Variants in NRG1 observed in about 807,000 individuals in gnomAD.
NRG1 encodes neuregulin 1, also known as pro-neuregulin-1, membrane-bound isoform.
A neutral mutation model predicts 63.8 loss-of-function variants in NRG1; 18 were observed. That is an observed-to-expected ratio of 0.28 (90% CI 0.19 to 0.42). The LOEUF is 0.42. Ranked by LOEUF, NRG1 falls within the 10% of genes least tolerant of loss-of-function variation. The probability of loss-of-function intolerance (pLI) is 1.00; values close to 1 mark genes in which losing one functional copy is unlikely to be tolerated. For synonymous variants in NRG1, 302 were observed against 301.3 expected (o/e 1.00, Z -0.02); for missense variants, 762 against 814.7 (o/e 0.94, Z 0.79).
intron 1 of NRG1, among the ~76,000 whole-genome samples, chr8:31,906,951 G>T (rs1354890815): frequency 6.6e-6 from 1 of 152,116 alleles, no homozygotes; most frequent in Non-Finnish European, 1.5e-5. Flanking sequence ...TACAGGAAAA[G>T]AATGCTGCTC....
intron 1 of NRG1, among the ~76,000 whole-genome samples, chr8:32,586,213 T>G (rs1469035282): frequency 1.4e-5 from 2 of 147,640 alleles, no homozygotes; most frequent in Non-Finnish European, 3.0e-5. Flanking sequence ...TACATTCTAC[T>G]ATATATACTA....
rs539500844 is a variant in NRG1 at position 32,277,715 on chromosome 8, T to C, written c.38-318113T>C. Among the ~76,000 whole-genome samples, 262 of 152,274 alleles carry C rather than the reference T, an allele frequency of 1.7e-3. 1 individual carries two copies. The highest frequency in any genetic ancestry group is 3.1e-3 in the Non-Finnish European group (208 of 68,016). Reference sequence around the variant, plus strand: ...CGGGAGTTGGGGGATGCTACTGGTATGCAGTTGGCAGAGGCCGGGGATGGT... The same window carrying C: ...CGGGAGTTGGGGGATGCTACTGGTACGCAGTTGGCAGAGGCCGGGGATGGT... On this transcript the variant is annotated intron_variant, in intron 1 of 10. Transcript: ENST00000519301.
intron 1 of NRG1, among the ~76,000 whole-genome samples, chr8:32,447,379 G>A (rs2129487850): frequency 6.6e-6 from 1 of 152,146 alleles, no homozygotes; most frequent in East Asian, 1.9e-4. Flanking sequence ...AATGGAAATG[G>A]TGGTATAGCA....
intron 5 of NRG1, among the ~76,000 whole-genome samples, chr8:32,624,670 T>C (rs558626232): frequency 6.6e-6 from 1 of 152,344 alleles, no homozygotes; most frequent in East Asian, 1.9e-4. Flanking sequence ...TGAGCCATTA[T>C]AATTACTCTT....
At chr8:31,969,486 A>G (rs573965900) in intron 1 of NRG1, among the ~76,000 whole-genome samples, 8 of 152,232 alleles carry the variant, frequency 5.3e-5, no homozygotes, top group African/African-American at 1.9e-4. Flanking sequence ...GATACTAATG[A>G]TCTCAGAAGG....
intron 1 of NRG1, among the ~76,000 whole-genome samples, chr8:32,261,259 C>T (rs1455217021): frequency 1.3e-5 from 2 of 151,912 alleles, no homozygotes; most frequent in Non-Finnish European, 2.9e-5. Flanking sequence ...TCATTATTAT[C>T]CTTTTTCTTT....
At chr8:32,389,329 A>G (rs1811421803) in intron 1 of NRG1, among the ~76,000 whole-genome samples, 1 of 152,226 alleles carries the variant, frequency 6.6e-6, no homozygotes, top group African/African-American at 2.4e-5. Context: ...CTATGCAAAG[A>G]TTAGATTAAT....
intron 1 of NRG1, among the ~76,000 whole-genome samples, chr8:31,859,923 G>A (rs1828311061): frequency 6.6e-6 from 1 of 152,060 alleles, no homozygotes; most frequent in Non-Finnish European, 1.5e-5. Flanking sequence ...TGGAAAATAA[G>A]CCTGCTTAGT....
chr8:31,928,236 C>A (rs1026421030), intron 1 of NRG1, among the ~76,000 whole-genome samples: 4 of 150,704 alleles, frequency 2.7e-5, no homozygotes, highest in Admixed American at 1.3e-4. Flanking sequence ...TGCTGTTGGC[C>A]ATCACTAATC....
chr8:31,725,408 G>A (rs887704638), intron 1 of NRG1, among the ~76,000 whole-genome samples: 2 of 152,088 alleles, frequency 1.3e-5, no homozygotes, highest in Non-Finnish European at 2.9e-5. Context: ...GAATATCTCA[G>A]GTAGTGGAAG....
chr8:31,879,814 G>T (rs1208615515), intron 1 of NRG1, among the ~76,000 whole-genome samples: 1 of 151,986 alleles, frequency 6.6e-6, no homozygotes, highest in Non-Finnish European at 1.5e-5. Flanking sequence ...GCAGTATTTG[G>T]TTTTCTGTTT....
At chr8:32,026,892 C>T (rs190375286) in intron 1 of NRG1, among the ~76,000 whole-genome samples, 160 of 152,140 alleles carry the variant, frequency 1.1e-3, no homozygotes, top group African/African-American at 3.8e-3. Flanking sequence ...TCTCTAATTG[C>T]TTTTATCTCC....
intron 5 of NRG1, among the ~76,000 whole-genome samples, chr8:32,617,526 C>G (rs1290843065): frequency 6.6e-6 from 1 of 152,148 alleles, no homozygotes; most frequent in African/African-American, 2.4e-5. Context: ...AAAATATTAG[C>G]AAGGACTAGT....
intron 1 of NRG1, among the ~76,000 whole-genome samples, chr8:31,887,941 A>C (rs142711303): frequency 0.014 from 2,152 of 151,852 alleles, 45 homozygotes; most frequent in Non-Finnish European, 0.022. Context: ...TTTATTCAAA[A>C]ATAATGAAAA....
intron 1 of NRG1, among the ~76,000 whole-genome samples, chr8:31,839,257 A>G (rs1825968079): frequency 6.6e-6 from 1 of 152,212 alleles, no homozygotes; most frequent in African/African-American, 2.4e-5. Flanking sequence ...TAAAAACCCC[A>G]GTGGTCCCTG....
intron 1 of NRG1, among the ~76,000 whole-genome samples, chr8:32,006,200 G>C (rs1388246298): frequency 1.3e-5 from 2 of 152,018 alleles, no homozygotes; most frequent in Non-Finnish European, 2.9e-5. Context: ...ACATAGATCA[G>C]ATTGCCTTTG....
At chr8:32,615,756 T>C (rs1224839893) in intron 4 of NRG1, among the ~76,000 whole-genome samples, 3 of 152,024 alleles carry the variant, frequency 2.0e-5, no homozygotes, top group African/African-American at 7.2e-5. Flanking sequence ...TTAGGACATA[T>C]TCATATGTCA....
intron 3 of NRG1, among the ~76,000 whole-genome samples, chr8:32,608,647 C>G (rs1233685055): frequency 6.7e-6 from 1 of 148,238 alleles, no homozygotes; most frequent in Admixed American, 7.1e-5. Context: ...AACTCAGCCT[C>G]GAGGAGATGG....
rs1179831015 is a variant in NRG1 at position 32,344,418 on chromosome 8, CATGT to C, written c.38-251409_38-251406del. Reference sequence around the variant, plus strand: ...TTTTTTGTGCATGCATGCGTGCATGCATGTGTGTGTGTGTGTGTGTGTGTGTGTG... The same window carrying C: ...TTTTTTGTGCATGCATGCGTGCATGCGTGTGTGTGTGTGTGTGTGTGTGTG... On this transcript the variant is annotated intron_variant, in intron 1 of 10. Coordinates refer to the NRG1 transcript ENST00000519301. 1.6e-3 allele frequency among the ~76,000 whole-genome samples: 149 copies of C among 92,460 alleles called. 7 individuals carry two copies. Among genetic ancestry groups the C allele is most frequent in the Middle Eastern group, 5.6e-3 (1 of 178 alleles). 60.7% of individuals were successfully genotyped at this position (92,460 alleles called of 152,430 possible).
Sources: gnomAD v4.1 joint callset for allele counts (sites outside exome capture counted in the v4.1 genomes callset) on GRCh38, gnomAD v4.1.1 for gene constraint, MANE v1.5 for transcripts, NCBI Gene and HGNC (gene_info 2026-07-23, HGNC 2026-07-21) for gene names.